DSG3: variants seen among roughly 807,000 people sequenced by gnomAD.
DSG3 encodes the protein desmoglein 3, also known as desmoglein-3.
A neutral mutation model predicts 85.9 loss-of-function variants in DSG3; 63 were observed. That is an observed-to-expected ratio of 0.73 (90% CI 0.60 to 0.90). DSG3 has a LOEUF of 0.90. Ranked by LOEUF, DSG3 falls within the 40% of genes least tolerant of loss-of-function variation. The pLI is 0.00. For missense variants in DSG3, 1,220 were observed against 1,219.9 expected, an observed-to-expected ratio of 1.00 and a Z score of 0.00; for synonymous variants, 447 against 441.9, an observed-to-expected ratio of 1.01 and a Z score of -0.14.
At chr18:31,474,846 C>T (rs558727152) in intron 15 of DSG3, among the ~76,000 whole-genome samples, 2 of 152,180 alleles carry the variant, frequency 1.3e-5, no homozygotes, top group Non-Finnish European at 2.9e-5. Flanking sequence ...TCCAACTGAA[C>T]AAACAATTGA....
chr18:31,471,655 T>C (rs890099863), intron 12 of DSG3, among the ~76,000 whole-genome samples: 2 of 152,204 alleles, frequency 1.3e-5, no homozygotes, highest in African/African-American at 4.8e-5. Context: ...GACATTAATC[T>C]TTATTGCCAA....
intron 1 of DSG3, among the ~76,000 whole-genome samples, chr18:31,455,020 T>C (rs1420224049): frequency 9.4e-6 from 1 of 105,884 alleles, no homozygotes; most frequent in Non-Finnish European, 1.8e-5. Context: ...AAACTCCGTC[T>C]CAAAAAAAAA....
chr18:31,457,521 CTCTT>C (rs142328218), intron 3 of DSG3, among the ~76,000 whole-genome samples: 10,353 of 136,750 alleles, frequency 0.076, 409 homozygotes, highest in East Asian at 0.1. Context: ...TTATACTATT[CTCTT>C]TCTTTCTTTC....
chr18:31,461,115 A>C (rs1303886079), intron 7 of DSG3, 112 bp from the exon 8 acceptor site: 1 of 1,234,114 alleles, frequency 8.1e-7, no homozygotes, highest in Admixed American at 3.0e-5. Flanking sequence ...ATTCAGTAAT[A>C]AGAAGAAGGA....
chr18:31,454,743 C>T (rs2144263236), intron 1 of DSG3, among the ~76,000 whole-genome samples: 1 of 151,448 alleles, frequency 6.6e-6, no homozygotes, highest in Admixed American at 6.6e-5. Context: ...ACCTGTAATC[C>T]CAGCACTTTG....
intron 1 of DSG3, among the ~76,000 whole-genome samples, chr18:31,449,302 C>T (rs921117260): frequency 3.1e-4 from 47 of 152,090 alleles, no homozygotes; most frequent in African/African-American, 1.1e-3. Context: ...TATGACTTTC[C>T]CACCTTTCCA....
In DSG3 at chr18:31,465,334, A is replaced by G. The variant is rs1448499877; in HGVS notation, c.1288A>G (p.Asn430Asp). Residue 430 changes from asparagine (N) to aspartate (D), a missense_variant, in exon 10 of 16, where the codon AAC (asparagine) becomes GAC (aspartate). Asn to Asp is a conservative substitution (Grantham distance 23). Transcript: ENST00000257189. ...ASNVKYVMGR[N>D]DGGYLMIDSK... ...ATGAAACAGATATGTCATGGGACGT[A>G]ACGATGGTGGATACCTAATGATTGA... 6.7e-7 allele frequency: 1 copy of G among 1,481,482 alleles called. No individual in the cohort carries two copies. The highest frequency in any genetic ancestry group is 2.3e-5 in the Admixed American group (1 of 44,166). The allele number at this position is 1,481,482 out of a possible 1,614,324, so 91.8% of individuals were successfully genotyped here. A position where few individuals can be genotyped will look rare whatever the true frequency, so the allele number is the denominator to read the frequency against.
chr18:31,457,456 G>T (rs1242196812), intron 3 of DSG3, among the ~76,000 whole-genome samples: 5 of 152,122 alleles, frequency 3.3e-5, no homozygotes, highest in African/African-American at 1.2e-4. Flanking sequence ...GCAAAATATG[G>T]ATTGGTCATG....
At chr18:31,460,122 G>A (rs2072774837) in intron 6 of DSG3, 111 bp downstream of exon 6, 3 of 1,192,442 alleles carry the variant, frequency 2.5e-6, no homozygotes, top group South Asian at 3.4e-5. Context: ...GAGGTTCTCA[G>A]TACTTAACTT....
At chr18:31,463,678 G>T (rs1173611206) in intron 8 of DSG3, among the ~76,000 whole-genome samples, 1 of 152,120 alleles carries the variant, frequency 6.6e-6, no homozygotes, top group African/African-American at 2.4e-5. Context: ...CGTATTAGGG[G>T]CCTTGATTTG....
At chr18:31,456,731 C>T (rs188763988) in intron 2 of DSG3, among the ~76,000 whole-genome samples, 1 of 151,912 alleles carries the variant, frequency 6.6e-6, no homozygotes, top group East Asian at 1.9e-4. Flanking sequence ...CCCTATGGGC[C>T]CAGTAAGATA....
rs1270181444 is a variant in DSG3 at position 31,477,522 on chromosome 18, T to G, written c.*1262T>G. 1 of 152,062 alleles carries G rather than the reference T, an allele frequency of 6.6e-6. No homozygotes were observed. Among genetic ancestry groups the G allele is most frequent in the Non-Finnish European group, 1.5e-5 (1 of 68,014 alleles). 9.4% of individuals were successfully genotyped at this position (152,062 alleles called of 1,614,324 possible). On this transcript the variant is annotated 3_prime_UTR_variant, in exon 16 of 16. Transcript: ENST00000257189. The stretch of plus-strand genomic sequence containing the variant: ...TATTATAAGCAGCATTCCAGAAAAG[T>G]AGTTGGTGAAATAATTTTCAAGTCA...
chr18:31,457,876 A>G (rs111286338), intron 3 of DSG3, among the ~76,000 whole-genome samples: 10,465 of 151,814 alleles, frequency 0.069, 803 homozygotes, highest in African/African-American at 0.2. Context: ...TGATCTGCCC[A>G]CCTCGGCCTC....
chr18:31,471,653 T>C (rs1253252157), intron 12 of DSG3, among the ~76,000 whole-genome samples: 1 of 152,188 alleles, frequency 6.6e-6, no homozygotes, highest in African/African-American at 2.4e-5. Flanking sequence ...ATGACATTAA[T>C]CTTTATTGCC....
At chr18:31,460,523 T>A (rs997282904) in intron 6 of DSG3, among the ~76,000 whole-genome samples, 2 of 152,184 alleles carry the variant, frequency 1.3e-5, no homozygotes, top group African/African-American at 4.8e-5. Flanking sequence ...AGACCCCATA[T>A]TATTTTTGTA....
At chr18:31,454,099 T>C (rs1184898261) in intron 1 of DSG3, among the ~76,000 whole-genome samples, 1 of 152,178 alleles carries the variant, frequency 6.6e-6, no homozygotes, top group African/African-American at 2.4e-5. Context: ...CTGAAGATCA[T>C]TGCAATATTC....
chr18:31,465,102 G>A (rs1458231560), intron 9 of DSG3, among the ~76,000 whole-genome samples: 2 of 148,838 alleles, frequency 1.3e-5, no homozygotes, highest in African/African-American at 5.0e-5. Context: ...TCCAGCCCGG[G>A]CAACAAGAGC....
In DSG3 at chr18:31,459,975, G is replaced by T; in HGVS notation, c.648G>T (p.Gly216=). 1 of 1,613,976 alleles carries T rather than the reference G, an allele frequency of 6.2e-7. No individual in the cohort carries two copies. The highest frequency in any genetic ancestry group is 1.3e-5 in the African/African-American group (1 of 75,008). The stretch of plus-strand genomic sequence containing the variant: ...TGTTCCTCCTAAGCAGAAACACTGG[G>T]GAAGTCCGTACTTTGACCAATTCTC... ...TPMFLLSRNT[G]EVRTLTNSLD... The change falls in exon 6 of 16, where the codon GGG becomes GGT. Residue 216 remains glycine, a synonymous_variant. Transcript: ENST00000257189.
chr18:31,455,004 A>G (rs2072733397), intron 1 of DSG3, among the ~76,000 whole-genome samples: 1 of 149,684 alleles, frequency 6.7e-6, no homozygotes, highest in Non-Finnish European at 1.5e-5. Context: ...CAGGGCAAAA[A>G]GAGCGAAACT....
Sources: allele counts gnomAD v4.1 joint callset (sites outside exome capture counted in the v4.1 genomes callset), GRCh38; gene constraint gnomAD v4.1.1; transcripts MANE v1.5; gene names NCBI Gene and HGNC (gene_info 2026-07-23, HGNC 2026-07-21).